Variants in COL6A3 observed in about 807,000 individuals in gnomAD.
COL6A3 encodes collagen alpha-3(VI) chain.
A neutral mutation model predicts 274.1 loss-of-function variants in COL6A3; 137 were observed. The observed-to-expected ratio is 0.50, with a 90% CI of 0.44 to 0.58. COL6A3 has a LOEUF of 0.58. COL6A3 is among the 20% of genes least tolerant of loss of function. The pLI is 0.00. For synonymous variants in COL6A3, 1,650 were observed against 1,650.6 expected (o/e 1.00, Z 0.01); for missense variants, 3,950 against 4,124.9 (o/e 0.96, Z 1.16).
At chr2:237,341,458 C>A (rs773424087) in intron 37 of COL6A3, among the ~76,000 whole-genome samples, 1 of 145,736 alleles carries the variant, frequency 6.9e-6, no homozygotes, top group Admixed American at 7.0e-5. Flanking sequence ...GCAGGAGAAT[C>A]GCTTGAACCC....
chr2:237,360,039 A>G, intron 17 of COL6A3, 49 bp downstream of exon 17: 1 of 1,589,022 alleles, frequency 6.3e-7, no homozygotes. Flanking sequence ...AGAAACTGCG[A>G]GTCACCTGAC....
At position 237,344,980 on chromosome 2, in the gene COL6A3, G is replaced by A. The variant is rs745325995; in HGVS notation, c.7163-28C>T. The stretch of plus-strand genomic sequence containing the variant: ...AGAAAAGAAGCAAAGAGAAGAAAGG[G>A]TGAGAGACTACTCTACCATGTGAGA... On this transcript the variant is annotated intron_variant, in intron 34 of 43. Transcript: ENST00000295550. This position sits in a 1 kb window ranked among gnomAD's most constrained non-coding sequence, Gnocchi z 4.8. 1 of 1,614,154 alleles carries A rather than the reference G, an allele frequency of 6.2e-7. No individual in the cohort carries two copies. The highest frequency in any genetic ancestry group is 8.5e-7 in the Non-Finnish European group (1 of 1,180,030).
intron 3 of COL6A3, among the ~76,000 whole-genome samples, chr2:237,388,679 A>G (rs1456633288): frequency 6.6e-6 from 1 of 152,182 alleles, no homozygotes; most frequent in Admixed American, 6.5e-5. Flanking sequence ...TACAAAACAG[A>G]GTCACGATTT....
In COL6A3 at chr2:237,336,299, A is replaced by T; in HGVS notation, c.8801T>A (p.Val2934Glu). The T allele has an allele frequency of 1.2e-6, 2 of 1,613,272 alleles. No homozygotes were observed. The highest frequency in any genetic ancestry group is 2.2e-5 in the East Asian group (1 of 44,858). Reference protein sequence around the residue: ...ATKMATVRPPVAVKPATAAKP... With the variant: ...ATKMATVRPPEAVKPATAAKP... Reference sequence around the variant, plus strand: ...CGCTGCCGTTGCTGGCTTCACCGCCACTGGGGGTCTAACAGTGGCCATCTT... The same window carrying T: ...CGCTGCCGTTGCTGGCTTCACCGCCTCTGGGGGTCTAACAGTGGCCATCTT... Residue 2934 changes from valine to glutamate, a missense_variant, in exon 40 of 44, where the codon GTG becomes GAG. Transcript: ENST00000295550.
intron 3 of COL6A3, among the ~76,000 whole-genome samples, chr2:237,388,478 A>G (rs1352574277): frequency 3.3e-5 from 5 of 152,202 alleles, no homozygotes; most frequent in South Asian, 2.1e-4. Context: ...TGAGGGGACA[A>G]TCTTGGGTAC....
Position 237,367,634 on chromosome 2 carries a change from T to C in COL6A3, c.4901-348A>G, listed in dbSNP as rs117523501. Among the ~76,000 whole-genome samples the C allele has an allele frequency of 5.1e-3, 773 of 152,326 alleles. 16 individuals carry two copies. Among genetic ancestry groups the C allele is most frequent in the East Asian group, 0.038 (199 of 5,186 alleles). The stretch of plus-strand genomic sequence containing the variant: ...AGGGACCTGGCTTTGACATTTGTGA[T>C]CTCAAGTGTTTTAGGAAATGCCACT... On this transcript the variant is annotated intron_variant, in intron 10 of 43. Transcript: ENST00000295550.
chr2:237,375,948 G>A (rs1376242078), intron 7 of COL6A3, among the ~76,000 whole-genome samples: 3 of 152,234 alleles, frequency 2.0e-5, no homozygotes, highest in Admixed American at 1.3e-4. Context: ...TTCAATGCTT[G>A]AAGAGTATTG....
At chr2:237,335,485 G>T (rs962767961) in intron 40 of COL6A3, among the ~76,000 whole-genome samples, 1 of 152,170 alleles carries the variant, frequency 6.6e-6, no homozygotes, top group African/African-American at 2.4e-5. Flanking sequence ...AGTCATTGTG[G>T]TTTTTGCCAT....
At position 237,371,717 on chromosome 2, in the gene COL6A3, A is replaced by G; in HGVS notation, c.4285+15T>C. On this transcript the variant is annotated intron_variant, in intron 9 of 43. Coordinates refer to ENST00000295550, the MANE Select transcript of COL6A3 (RefSeq NM_004369.4). The surrounding 1 kb of genome is among the most constrained non-coding windows in gnomAD (Gnocchi z 4.3). ...GAAAATGCTCCAAGGAGAACCTCCG[A>G]CGCCCCCATCTCACCTGGAGGTGGA... 6.4e-7 allele frequency: 1 copy of G among 1,574,074 alleles called. No homozygotes were observed. Among genetic ancestry groups the G allele is most frequent in the Non-Finnish European group, 8.6e-7 (1 of 1,158,408 alleles).
chr2:237,324,486 A>C lies in COL6A3; in HGVS notation c.*288T>G, dbSNP rs1699826536. ...AGGCATAACATGAAACTCCAGAGGG[A>C]ATTTGGATTGATAGGAATGTTCACA... On this transcript the variant is annotated 3_prime_UTR_variant, in exon 44 of 44. Coordinates refer to ENST00000295550, the MANE Select transcript of COL6A3 (RefSeq NM_004369.4). 2 of 396,968 alleles carry C rather than the reference A, an allele frequency of 5.0e-6. No individual in the cohort carries two copies. The highest frequency in any genetic ancestry group is 7.2e-5 in the South Asian group (2 of 27,902). The allele number at this position is 396,968 out of a possible 1,614,324, so 24.6% of individuals were successfully genotyped here. A position where few individuals can be genotyped will look rare whatever the true frequency, so the allele number is the denominator to read the frequency against.
intron 16 of COL6A3, 59 bp from the exon 17 acceptor site, chr2:237,360,218 C>A (rs1024639442): frequency 6.5e-7 from 1 of 1,546,002 alleles, no homozygotes; most frequent in Non-Finnish European, 8.9e-7. Context: ...CTTTCTCTGC[C>A]GGGCTTGCAG....
intron 16 of COL6A3, among the ~76,000 whole-genome samples, chr2:237,360,545 G>C (rs1374985356): frequency 6.6e-6 from 1 of 152,158 alleles, no homozygotes; most frequent in East Asian, 1.9e-4. Context: ...GCTGGGCCCT[G>C]GTGACCACAC....
At chr2:237,354,087 C>A (rs887938443) in intron 24 of COL6A3, among the ~76,000 whole-genome samples, 1 of 151,418 alleles carries the variant, frequency 6.6e-6, no homozygotes, top group East Asian at 1.9e-4. Context: ...TCTTGGCTCA[C>A]TGCAACCTCT....
Position 237,379,008 on chromosome 2 carries a change from G to C in COL6A3, c.2125C>G (p.Leu709Val). The change falls in exon 6 of 44, where the codon CTG becomes GTG. Residue 709 changes from leucine to valine, a missense_variant. Transcript: ENST00000295550. ...AGGCCCGAACCTCCCTGGAGCTGCA[G>C]CTGCCTCAGATGACCAAGGATATCT... ...KSDILGHLRQ[L>V]QLQGGSGLNT... 1 of 1,614,234 alleles carries C rather than the reference G, an allele frequency of 6.2e-7. No homozygotes were observed.
In COL6A3 at chr2:237,407,366, G is replaced by A. The variant is rs13431876; in HGVS notation, c.-31+6587C>T. 0.075 allele frequency among the ~76,000 whole-genome samples: 11,393 copies of A among 152,174 alleles called. 470 individuals carry two copies. The highest frequency in any genetic ancestry group is 0.11 in the African/African-American group (4,756 of 41,498). On this transcript the variant is annotated intron_variant, in intron 1 of 43. Transcript: ENST00000295550. The surrounding 1 kb of genome is among the most constrained non-coding windows in gnomAD (Gnocchi z 4.3). ...CTACTGGGGTCCTTTGTCACTTACG[G>A]GGGTCCTTGTTAGATATGGAGTAGC...
rs2077063577 is a variant in COL6A3 at position 237,344,750 on chromosome 2, T to G, written c.7268A>C (p.Asp2423Ala). 6.2e-7 allele frequency: 1 copy of G among 1,601,312 alleles called. No homozygotes were observed. The highest frequency in any genetic ancestry group is 1.1e-5 in the South Asian group (1 of 89,508). Residue 2423 changes from aspartate to alanine, a missense_variant, in exon 36 of 44, where the codon GAT (aspartate) becomes GCT (alanine). By Grantham distance (126) the Asp-to-Ala change is moderately radical. Coordinates refer to ENST00000295550, the MANE Select transcript of COL6A3 (RefSeq NM_004369.4). This position sits in a 1 kb window ranked among gnomAD's most constrained non-coding sequence, Gnocchi z 4.8. ...VNQDTFGRMR[D>A]VVLSIVNDLT... Reference sequence around the variant, plus strand: ...GTCATTCACAATACTCAAGACCACATCTCGCATCCGGCCGAAAGTGTCTTG... The same window carrying G: ...GTCATTCACAATACTCAAGACCACAGCTCGCATCCGGCCGAAAGTGTCTTG...
chr2:237,410,846 A>T (rs911177582), intron 1 of COL6A3, among the ~76,000 whole-genome samples: 1 of 152,190 alleles, frequency 6.6e-6, no homozygotes, highest in Non-Finnish European at 1.5e-5. Flanking sequence ...ATTCCACTGA[A>T]GTTTTACAGT....
Position 237,361,226 on chromosome 2 carries a change from T to C in COL6A3, c.6157-52A>G, listed in dbSNP as rs765196419. On this transcript the variant is annotated intron_variant, in intron 15 of 43. Coordinates refer to ENST00000295550, the MANE Select transcript of COL6A3 (RefSeq NM_004369.4). The surrounding 1 kb of genome is among the most constrained non-coding windows in gnomAD (Gnocchi z 5.1). ...TTTAATCCCGTGGTCTTCTTTGCTC[T>C]ACAGTAAGAATCCCTGTGGTCCCCC... 1.3e-5 allele frequency: 20 copies of C among 1,550,352 alleles called. No individual in the cohort carries two copies. The African/African-American group carries it at 1.8e-4, about 14-fold the overall frequency.
intron 4 of COL6A3, among the ~76,000 whole-genome samples, chr2:237,384,871 T>C (rs2078106085): frequency 6.6e-6 from 1 of 152,096 alleles, no homozygotes; most frequent in Admixed American, 6.5e-5. Flanking sequence ...CTTCTCCAGC[T>C]TCCATGCATC....
Sources: gnomAD v4.1 joint callset for allele counts (sites outside exome capture counted in the v4.1 genomes callset) on GRCh38, gnomAD v4.1.1 for gene constraint, Gnocchi (gnomAD v3.1) non-coding constraint, MANE v1.5 for transcripts, NCBI Gene and HGNC (gene_info 2026-07-23, HGNC 2026-07-21) for gene names.